The following AUTS2 variants were observed in gnomAD, a reference collection of about 807,000 sequenced individuals.
The protein encoded by AUTS2 is autism susceptibility gene 2 protein.
A neutral mutation model predicts 112.4 loss-of-function variants in AUTS2; 17 were observed. The observed-to-expected ratio is 0.15, with a 90% CI of 0.10 to 0.23. The LOEUF is 0.23. Among genes scored for constraint, AUTS2 ranks in the 10% least tolerant of loss-of-function variants. The pLI is 1.00. For synonymous variants in AUTS2, 751 were observed against 702.7 expected (o/e 1.07, Z -1.09); for missense variants, 1,510 against 1,701.6 (o/e 0.89, Z 1.98).
chr7:70,264,753 A>G (rs1367245888), intron 4 of AUTS2, among the ~76,000 whole-genome samples: 3 of 152,212 alleles, frequency 2.0e-5, no homozygotes. Context: ...GAATGTGTGC[A>G]GATGTCAGAA....
intron 1 of AUTS2, among the ~76,000 whole-genome samples, chr7:69,826,258 A>G (rs1791238826): frequency 1.3e-5 from 2 of 152,202 alleles, no homozygotes; most frequent in Admixed American, 6.5e-5. Flanking sequence ...AGAAGGTTTT[A>G]ATCTCTCACA....
At chr7:69,893,092 T>C (rs1470017097) in intron 1 of AUTS2, among the ~76,000 whole-genome samples, 2 of 152,236 alleles carry the variant, frequency 1.3e-5, no homozygotes, top group African/African-American at 4.8e-5. Context: ...AGTTTAGGAA[T>C]TCTTTCTTAG....
intron 5 of AUTS2, among the ~76,000 whole-genome samples, chr7:70,501,366 G>A (rs192648766): frequency 8.1e-4 from 124 of 152,268 alleles, no homozygotes; most frequent in South Asian, 1.7e-3. Context: ...GCATTAACTG[G>A]ATCGGCTGCC....
intron 4 of AUTS2, among the ~76,000 whole-genome samples, chr7:70,180,024 A>C (rs374416586): frequency 1.1e-4 from 17 of 152,202 alleles, no homozygotes; most frequent in African/African-American, 4.1e-4. Context: ...AAAATGCTGC[A>C]CAAAGAAGAC....
At chr7:70,564,611 A>G (rs1161283184) in intron 5 of AUTS2, among the ~76,000 whole-genome samples, 1 of 152,242 alleles carries the variant, frequency 6.6e-6, no homozygotes, top group East Asian at 1.9e-4. Context: ...TATAGTGGGT[A>G]TCAGTCAAGA....
In AUTS2 at chr7:70,272,250, A is replaced by G. The variant is rs150997057; in HGVS notation, c.660+137679A>G. On this transcript the variant is annotated intron_variant, in intron 4 of 18. Transcript: ENST00000342771. The stretch of plus-strand genomic sequence containing the variant: ...GTAGTTAAATTAAAAAAAAAAAAAG[A>G]TAGGACACATTTTAGTCATGAAATA... Among the ~76,000 whole-genome samples the G allele has an allele frequency of 6.8e-3, 1,037 of 152,042 alleles. 42 individuals carry two copies. Among genetic ancestry groups the G allele is most frequent in the Admixed American group, 0.049 (746 of 15,258 alleles).
At chr7:70,541,420 T>C (rs570081479) in intron 5 of AUTS2, among the ~76,000 whole-genome samples, 1 of 152,360 alleles carries the variant, frequency 6.6e-6, no homozygotes, top group African/African-American at 2.4e-5. Context: ...CTGCTCACCT[T>C]ATCTGCTCCA....
intron 6 of AUTS2, among the ~76,000 whole-genome samples, chr7:70,732,348 A>G (rs73443102): frequency 0.018 from 2,678 of 152,270 alleles, 64 homozygotes; most frequent in African/African-American, 0.061. Context: ...AGAGGCTTCC[A>G]TGTCCTGAGC....
intron 5 of AUTS2, among the ~76,000 whole-genome samples, chr7:70,468,810 G>C (rs1797265973): frequency 6.6e-6 from 1 of 151,930 alleles, no homozygotes; most frequent in South Asian, 2.1e-4. Flanking sequence ...TTACTAGGCA[G>C]TTACCAAAAG....
At chr7:70,562,147 A>G (rs929766626) in intron 5 of AUTS2, among the ~76,000 whole-genome samples, 6 of 152,208 alleles carry the variant, frequency 3.9e-5, no homozygotes, top group Non-Finnish European at 8.8e-5. Context: ...TTCTTGTACA[A>G]GCTGCAGAGC....
At chr7:70,020,164 G>A (rs919876813) in intron 2 of AUTS2, among the ~76,000 whole-genome samples, 2 of 152,172 alleles carry the variant, frequency 1.3e-5, no homozygotes, top group Non-Finnish European at 2.9e-5. Flanking sequence ...CAGGACATTT[G>A]CCTGCTTCCT....
chr7:69,980,853 G>A (rs986658420), intron 2 of AUTS2, among the ~76,000 whole-genome samples: 2 of 152,092 alleles, frequency 1.3e-5, no homozygotes, highest in Non-Finnish European at 1.5e-5. Context: ...GTGAGGGCTC[G>A]TTTTAGAATG....
chr7:69,793,293 C>T (rs1789699205), intron 1 of AUTS2, among the ~76,000 whole-genome samples: 1 of 152,170 alleles, frequency 6.6e-6, no homozygotes, highest in Non-Finnish European at 1.5e-5. Context: ...TTTGACCTCT[C>T]AGAGCAAAGT....
intron 1 of AUTS2, among the ~76,000 whole-genome samples, chr7:69,741,355 C>T (rs955902005): frequency 6.6e-6 from 1 of 152,156 alleles, no homozygotes; most frequent in Non-Finnish European, 1.5e-5. Context: ...TAAAGATTCA[C>T]ATACTATTGT....
intron 1 of AUTS2, chr7:69,824,672 C>T (rs993652068): frequency 1.3e-5 from 2 of 152,044 alleles, no homozygotes; most frequent in African/African-American, 4.8e-5. Context: ...ACATTGTCAC[C>T]TTTCCCTTCA....
chr7:70,643,085 C>A (rs1045800023), intron 5 of AUTS2, among the ~76,000 whole-genome samples: 2 of 152,196 alleles, frequency 1.3e-5, no homozygotes, highest in Non-Finnish European at 2.9e-5. Context: ...TCTAACAATT[C>A]TCAGATCATT....
rs146324799 is a variant in AUTS2, at chr7:70,669,918, TAA to T, written c.691-28649_691-28648del. Among the ~76,000 whole-genome samples, 945 of 152,344 alleles carry T rather than the reference TAA, an allele frequency of 6.2e-3. 29 individuals carry two copies. The highest frequency in any genetic ancestry group is 0.062 in the East Asian group (320 of 5,178). On this transcript the variant is annotated intron_variant, in intron 5 of 18. Coordinates refer to ENST00000342771, the MANE Select transcript of AUTS2 (RefSeq NM_015570.4). ...CTTTCTAAAGCGAAGGAGCCAGGGT[TAA>T]ACAGGGCATGGAAGAATTCAAAGGG...
chr7:69,992,032 C>G (rs1798760777), intron 2 of AUTS2, among the ~76,000 whole-genome samples: 1 of 152,120 alleles, frequency 6.6e-6, no homozygotes, highest in Non-Finnish European at 1.5e-5. Context: ...GCAAGAATAT[C>G]AGGTGTTGAA....
At chr7:70,781,782 C>G in intron 15 of AUTS2, 26 bp downstream of exon 15, 3 of 1,610,734 alleles carry the variant, frequency 1.9e-6, no homozygotes, top group Non-Finnish European at 2.5e-6. Context: ...GGTGGGGGGA[C>G]AGAGCTGAGA....
Sources: gnomAD v4.1 joint callset for allele counts (sites outside exome capture counted in the v4.1 genomes callset) on GRCh38, gnomAD v4.1.1 for gene constraint, MANE v1.5 for transcripts, NCBI Gene and HGNC (gene_info 2026-07-23, HGNC 2026-07-21) for gene names.